The following MAP4K4 variants were observed in gnomAD, a reference collection of about 807,000 sequenced individuals.
The protein encoded by MAP4K4 is mitogen-activated protein kinase kinase kinase kinase 4.
A neutral mutation model predicts 189.6 loss-of-function variants in MAP4K4; 38 were observed. The ratio of observed to expected loss-of-function variants is 0.20; its 90% CI spans 0.15 to 0.26. The LOEUF is 0.26. MAP4K4 is among the 10% of genes least tolerant of loss of function. MAP4K4 has a pLI of 1.00. For missense variants in MAP4K4, 1,054 were observed against 1,726.9 expected, an observed-to-expected ratio of 0.61 and a Z score of 6.91; for synonymous variants, 610 against 624.3, an observed-to-expected ratio of 0.98 and a Z score of 0.34.
intron 5 of MAP4K4, among the ~76,000 whole-genome samples, chr2:101,829,112 C>A (rs1456231752): frequency 6.6e-6 from 1 of 152,144 alleles, no homozygotes; most frequent in African/African-American, 2.4e-5. Context: ...TTGCTTTTCC[C>A]CTGAGATGTG....
At chr2:101,777,496 C>T (rs768846861) in intron 2 of MAP4K4, among the ~76,000 whole-genome samples, 1 of 151,996 alleles carries the variant, frequency 6.6e-6, no homozygotes, top group Non-Finnish European at 1.5e-5. Flanking sequence ...CACAAGGTCC[C>T]GCAGGGCGAG....
At chr2:101,885,286 A>G in exon 29 of MAP4K4, 1 of 1,567,118 alleles carries the variant, frequency 6.4e-7, no homozygotes. Flanking sequence ...ATGGCCTTTA[A>G]GGTAACAACA....
intron 12 of MAP4K4, among the ~76,000 whole-genome samples, chr2:101,854,635 A>T (rs2097391026): frequency 6.6e-6 from 1 of 152,248 alleles, no homozygotes; most frequent in Non-Finnish European, 1.5e-5. Flanking sequence ...TGGCTTTCAG[A>T]TTAAATACTA....
intron 3 of MAP4K4, among the ~76,000 whole-genome samples, chr2:101,802,941 A>T (rs1038237633): frequency 6.6e-6 from 1 of 151,972 alleles, no homozygotes; most frequent in Non-Finnish European, 1.5e-5. Context: ...GTCTGCCACC[A>T]TGCCCAGCTA....
At chr2:101,868,116 G>T in intron 21 of MAP4K4, 79 bp downstream of exon 21, 1 of 1,468,318 alleles carries the variant, frequency 6.8e-7, no homozygotes, top group East Asian at 2.4e-5. Flanking sequence ...TCGAGCTGCG[G>T]TCCTGCTCCT....
intron 13 of MAP4K4, among the ~76,000 whole-genome samples, chr2:101,858,703 C>G (rs1264545369): frequency 4.6e-5 from 7 of 152,162 alleles, no homozygotes; most frequent in Admixed American, 2.0e-4. Flanking sequence ...GAATGGCATA[C>G]TGTTTTAAAA....
At chr2:101,891,079 T>C (rs1577563192) in intron 32 of MAP4K4, 87 bp from the exon 33 acceptor site, 1 of 994,554 alleles carries the variant, frequency 1.0e-6, no homozygotes, top group East Asian at 2.4e-5. Context: ...TACTTGACAG[T>C]GTTGAGGATG....
At position 101,845,219 on chromosome 2, in the gene MAP4K4, C is replaced by T. The variant is rs57502584; in HGVS notation, c.1233+908C>T. ...AAAAAACCGAACACACACGCACACA[C>T]GGTAAGGGATGCAGAAAACAATTTG... On this transcript the variant is annotated intron_variant, in intron 12 of 32. Coordinates refer to ENST00000324219, the Ensembl canonical transcript of MAP4K4. Among the ~76,000 whole-genome samples the T allele has an allele frequency of 1.4e-3, 219 of 151,524 alleles. 3 individuals carry two copies. The East Asian group carries it at 0.04, about 27-fold the overall frequency.
At chr2:101,723,697 T>G (rs969482152) in intron 2 of MAP4K4, among the ~76,000 whole-genome samples, 1 of 152,210 alleles carries the variant, frequency 6.6e-6, no homozygotes, top group Non-Finnish European at 1.5e-5. Context: ...TAAGTACTTT[T>G]TGTTGCTAGC....
chr2:101,840,830 G>A (rs1029054195), intron 10 of MAP4K4, among the ~76,000 whole-genome samples: 1 of 152,192 alleles, frequency 6.6e-6, no homozygotes, highest in African/African-American at 2.4e-5. Context: ...AGGCCTTTCT[G>A]CCTGTACTGG....
chr2:101,792,597 TCTC>T (rs60472010), intron 3 of MAP4K4, among the ~76,000 whole-genome samples: 32,598 of 144,790 alleles, frequency 0.23, 4,368 homozygotes, highest in Middle Eastern at 0.27. Context: ...TTCTCCTCCT[TCTC>T]CTCCTCCTCC....
At chr2:101,889,052 T>C in intron 32 of MAP4K4, 117 bp downstream of exon 32, 1 of 1,004,536 alleles carries the variant, frequency 1.0e-6, no homozygotes. Flanking sequence ...CAAGGAACTT[T>C]TTAAACGTTG....
intron 2 of MAP4K4, among the ~76,000 whole-genome samples, chr2:101,745,405 T>C (rs1320877589): frequency 7.5e-6 from 1 of 132,476 alleles, no homozygotes; most frequent in Admixed American, 7.7e-5. Context: ...TCTCTGGTGA[T>C]TTCCTACATA....
chr2:101,737,453 ATATATATATTTTTTTTTTTTTTT>A (rs2060803362), intron 2 of MAP4K4, among the ~76,000 whole-genome samples: 2 of 39,584 alleles, frequency 5.1e-5, no homozygotes, highest in African/African-American at 2.9e-4. Flanking sequence ...ATATATATAT[ATATATATATTTTTTTTTTTTTTT>A]TTTTTTTTTT....
At chr2:101,836,676 AATTATT>A (rs201397754) in intron 9 of MAP4K4, among the ~76,000 whole-genome samples, 2 of 152,284 alleles carry the variant, frequency 1.3e-5, no homozygotes, top group South Asian at 4.1e-4. Context: ...CTTTTACTGT[AATTATT>A]ATTATTTTAA....
intron 12 of MAP4K4, among the ~76,000 whole-genome samples, chr2:101,854,969 C>T (rs1373861077): frequency 6.6e-6 from 1 of 152,176 alleles, no homozygotes; most frequent in African/African-American, 2.4e-5. Context: ...TTCAGGTGCT[C>T]ATTAGCAACA....
chr2:101,796,798 A>G (rs367602177), intron 3 of MAP4K4, among the ~76,000 whole-genome samples: 2 of 150,414 alleles, frequency 1.3e-5, no homozygotes, highest in African/African-American at 4.9e-5. Context: ...GAGCCAGTAT[A>G]CTGGAAGATT....
exon 33 of MAP4K4, chr2:101,893,726 T>A (rs1429766701): frequency 6.5e-6 from 1 of 153,980 alleles, no homozygotes; most frequent in Non-Finnish European, 1.4e-5. Flanking sequence ...CAAAAAAAAA[T>A]GCAAATGGTG....
chr2:101,794,841 A>G (rs1013716787), intron 3 of MAP4K4, among the ~76,000 whole-genome samples: 1 of 152,090 alleles, frequency 6.6e-6, no homozygotes, highest in Non-Finnish European at 1.5e-5. Context: ...AAGAAAATTG[A>G]CTTTTGTAAG....
Sources: allele counts gnomAD v4.1 joint callset (sites outside exome capture counted in the v4.1 genomes callset), GRCh38; gene constraint gnomAD v4.1.1; transcripts MANE v1.5; gene names NCBI Gene and HGNC (gene_info 2026-07-23, HGNC 2026-07-21).